Variants in FTCDNL1 observed in about 807,000 individuals in gnomAD.
FTCDNL1 encodes formiminotransferase cyclodeaminase N-terminal like, also known as formiminotransferase N-terminal subdomain-containing protein.
In FTCDNL1, 11 loss-of-function variants were observed where a neutral mutation model predicts 5.9. The observed-to-expected ratio is 1.87, with a 90% CI of 1.18 to 3.10. The LOEUF is 3.10. FTCDNL1 is among the 30% of genes most tolerant of loss of function. The probability of loss-of-function intolerance (pLI) is 0.00; values close to 1 mark genes in which losing one functional copy is unlikely to be tolerated. For synonymous variants in FTCDNL1, 58 were observed against 24.8 expected, an observed-to-expected ratio of 2.34 and a Z score of -3.99; for missense variants, 115 against 65.5, an observed-to-expected ratio of 1.76 and a Z score of -2.61.
At chr2:199,708,862 A>G in the FTCDNL1 span, among the ~76,000 whole-genome samples, 1 of 152,078 alleles carries the variant, frequency 6.6e-6, no homozygotes, top group African/African-American at 2.4e-5. Flanking sequence ...CCATAAGTAC[A>G]TTTCTGGAGC....
At chr2:199,788,843 G>A (rs1699785406) in intron 3 of FTCDNL1, among the ~76,000 whole-genome samples, 2 of 151,942 alleles carry the variant, frequency 1.3e-5, no homozygotes, top group African/African-American at 2.4e-5. Flanking sequence ...GCAATAGGAT[G>A]TATAACAGAT....
At chr2:199,686,819 C>T in the FTCDNL1 span, among the ~76,000 whole-genome samples, 10 of 152,198 alleles carry the variant, frequency 6.6e-5, no homozygotes, top group Admixed American at 3.9e-4. Flanking sequence ...TGCTCCTATC[C>T]TATTAACATA....
chr2:199,679,931 C>T, the FTCDNL1 span, among the ~76,000 whole-genome samples: 1 of 152,054 alleles, frequency 6.6e-6, no homozygotes, highest in Admixed American at 6.6e-5. Flanking sequence ...ATGCATTCAG[C>T]TTTGTATGAA....
the FTCDNL1 span, among the ~76,000 whole-genome samples, chr2:199,753,340 C>T: frequency 1.3e-5 from 2 of 152,190 alleles, no homozygotes; most frequent in Admixed American, 6.5e-5. Context: ...GCAGGAAGAT[C>T]GAGAGGAGGT....
At chr2:199,755,113 G>C in the FTCDNL1 span, among the ~76,000 whole-genome samples, 1 of 152,184 alleles carries the variant, frequency 6.6e-6, no homozygotes, top group Non-Finnish European at 1.5e-5. Context: ...ATCTCCAAAA[G>C]AGGAGAAATG....
At chr2:199,708,156 T>C in the FTCDNL1 span, among the ~76,000 whole-genome samples, 1 of 152,112 alleles carries the variant, frequency 6.6e-6, no homozygotes, top group Non-Finnish European at 1.5e-5. Context: ...ATAAGTCTAC[T>C]GCTATGTCTT....
chr2:199,713,821 T>C, the FTCDNL1 span, among the ~76,000 whole-genome samples: 1 of 152,194 alleles, frequency 6.6e-6, no homozygotes, highest in Non-Finnish European at 1.5e-5. Flanking sequence ...ATTATTGGAC[T>C]AATTTTATAT....
intron 3 of FTCDNL1, among the ~76,000 whole-genome samples, chr2:199,842,103 A>T (rs1360194379): frequency 2.0e-5 from 3 of 148,918 alleles, no homozygotes; most frequent in African/African-American, 7.4e-5. Context: ...TACTAAAAAT[A>T]CAAAAAAAAA....
chr2:199,674,932 C>T, the FTCDNL1 span, among the ~76,000 whole-genome samples: 1 of 152,082 alleles, frequency 6.6e-6, no homozygotes, highest in East Asian at 1.9e-4. Flanking sequence ...AGCTGACTTC[C>T]CAGAAAAGCT....
At chr2:199,813,837 G>A (rs1244642430) in intron 4 of FTCDNL1, among the ~76,000 whole-genome samples, 1 of 149,230 alleles carries the variant, frequency 6.7e-6, no homozygotes, top group Non-Finnish European at 1.5e-5. Context: ...CTTGAACCCA[G>A]GAGGCAGAGG....
chr2:199,689,925 G>A, the FTCDNL1 span, among the ~76,000 whole-genome samples: 72 of 151,614 alleles, frequency 4.7e-4, 1 homozygote, highest in African/African-American at 1.6e-3. Context: ...TAATATAAAT[G>A]TCCAACAATT....
intron 3 of FTCDNL1, among the ~76,000 whole-genome samples, chr2:199,779,276 G>T (rs1269872981): frequency 6.6e-6 from 1 of 152,168 alleles, no homozygotes; most frequent in African/African-American, 2.4e-5. Flanking sequence ...ACATATTCTA[G>T]AAGAGTTATT....
chr2:199,733,981 G>C, the FTCDNL1 span, among the ~76,000 whole-genome samples: 91 of 150,960 alleles, frequency 6.0e-4, no homozygotes, highest in Non-Finnish European at 8.7e-4. Flanking sequence ...AAAATAGTTT[G>C]AGAGGTGCCA....
chr2:199,736,187 A>G, the FTCDNL1 span, among the ~76,000 whole-genome samples: 1 of 152,150 alleles, frequency 6.6e-6, no homozygotes, highest in Non-Finnish European at 1.5e-5. Context: ...TTATCTGTAA[A>G]TATTTGACAG....
chr2:199,797,294 C>T (rs1055552459), intron 3 of FTCDNL1, among the ~76,000 whole-genome samples: 5 of 152,076 alleles, frequency 3.3e-5, no homozygotes, highest in African/African-American at 4.8e-5. Flanking sequence ...TGAAATTCCA[C>T]GAGATAAACA....
intron 3 of FTCDNL1, among the ~76,000 whole-genome samples, chr2:199,845,653 C>T (rs1194717665): frequency 6.6e-6 from 1 of 151,978 alleles, no homozygotes; most frequent in Non-Finnish European, 1.5e-5. Context: ...CCCTATAAGA[C>T]ATGTCAACTC....
intron 4 of FTCDNL1, among the ~76,000 whole-genome samples, chr2:199,816,505 A>G (rs1390641607): frequency 6.6e-6 from 1 of 152,234 alleles, no homozygotes; most frequent in East Asian, 1.9e-4. Context: ...ATTTAGAGAT[A>G]TTATGAAAAT....
At chr2:199,782,244 T>C (rs1178239433) in intron 3 of FTCDNL1, among the ~76,000 whole-genome samples, 1 of 152,218 alleles carries the variant, frequency 6.6e-6, no homozygotes, top group Non-Finnish European at 1.5e-5. Flanking sequence ...TATGATTTCT[T>C]TACTTCTTCA....
chr2:199,819,719 T>C lies in FTCDNL1; in HGVS notation c.250A>G (p.Ser84Gly), dbSNP rs757020697. 5.1e-5 allele frequency: 36 copies of C among 702,154 alleles called. No individual in the cohort carries two copies. In the South Asian group the frequency reaches 5.2e-4, roughly 10 times the overall value. The allele number at this position is 702,154 out of a possible 1,614,324, so 43.5% of individuals were successfully genotyped here. ...TCAGCTTCGCCAAAGAGAAACACGC[T>C]GCAGCCAGGAACATGCAGCACCAGA... The part of the protein sequence containing the change: ...EDLVLHVPGC[S>G]VFLFGEADLP... The change falls in exon 4 of 5, where the codon AGC becomes GGC. Residue 84 changes from serine to glycine, a missense_variant. Coordinates refer to ENST00000420128, the MANE Select transcript of FTCDNL1 (RefSeq NM_001363886.2).
Sources: gnomAD v4.1 joint callset for allele counts (sites outside exome capture counted in the v4.1 genomes callset) on GRCh38, gnomAD v4.1.1 for gene constraint, MANE v1.5 for transcripts, NCBI Gene and HGNC (gene_info 2026-07-23, HGNC 2026-07-21) for gene names.